The following ARL14EPL variants were observed in gnomAD, a reference collection of about 807,000 sequenced individuals.
ARL14EPL encodes ARL14 effector protein-like.
A neutral mutation model predicts 15.9 loss-of-function variants in ARL14EPL; 17 were observed. The observed-to-expected ratio is 1.07, with a 90% CI of 0.73 to 1.60. The LOEUF (loss-of-function observed/expected upper bound fraction) is 1.60. Among genes scored for constraint, ARL14EPL ranks in the 40% most tolerant of loss-of-function variants. The pLI is 0.00. For missense variants in ARL14EPL, 214 were observed against 185.9 expected (o/e 1.15, Z -0.88); for synonymous variants, 78 against 63.8 (o/e 1.22, Z -1.06).
At chr5:116,036,849 C>T (rs942646399) in intron 1 of ARL14EPL, among the ~76,000 whole-genome samples, 19 of 152,012 alleles carry the variant, frequency 1.2e-4, no homozygotes, top group African/African-American at 4.4e-4. Context: ...TTTCAGATGT[C>T]AAATTTGTGA....
intron 1 of ARL14EPL, among the ~76,000 whole-genome samples, chr5:116,046,192 C>G (rs1459630206): frequency 6.6e-6 from 1 of 152,174 alleles, no homozygotes; most frequent in African/African-American, 2.4e-5. Flanking sequence ...GTATCTTTCA[C>G]TTCTAAATAT....
chr5:116,041,898 G>A (rs1314353371), intron 1 of ARL14EPL, among the ~76,000 whole-genome samples: 6 of 151,972 alleles, frequency 3.9e-5, no homozygotes, highest in Non-Finnish European at 8.8e-5. Context: ...ACTCAATCAC[G>A]GCTCACTGCA....
chr5:116,034,750 G>A (rs929511093), intron 1 of ARL14EPL, among the ~76,000 whole-genome samples: 1 of 152,126 alleles, frequency 6.6e-6, no homozygotes. Flanking sequence ...ATGAGGCAGT[G>A]TGTCCAGTAG....
intron 3 of ARL14EPL, 84 bp downstream of exon 3, chr5:116,054,237 T>A (rs1749462240): frequency 7.7e-7 from 1 of 1,302,734 alleles, no homozygotes; most frequent in East Asian, 2.6e-5. Flanking sequence ...AGATTCCCTC[T>A]TTTTATTATT....
In ARL14EPL at chr5:116,051,510, C is replaced by G; in HGVS notation, c.45C>G (p.His15Gln). 6.5e-7 allele frequency: 1 copy of G among 1,535,720 alleles called. No homozygotes were observed. Among genetic ancestry groups the G allele is most frequent in the Middle Eastern group, 1.7e-4 (1 of 5,990 alleles). ...SEKNNSIQER[H>Q]TDHSFPEKNC... The stretch of plus-strand genomic sequence containing the variant: ...AAAACAATTCCATTCAAGAGAGACA[C>G]ACAGATCATAGTTTTCCTGAGAAGA... Residue 15 changes from histidine to glutamine, a missense_variant, in exon 2 of 4, where the codon CAC becomes CAG. By Grantham distance (24) the His-to-Gln change is conservative (BLOSUM62 0). Coordinates refer to ENST00000686077, the MANE Select transcript of ARL14EPL (RefSeq NM_001195581.2).
chr5:116,053,991 T>G (rs1255226422), intron 2 of ARL14EPL, 23 bp from the exon 3 acceptor site: 1 of 1,519,798 alleles, frequency 6.6e-7, no homozygotes, highest in East Asian at 2.5e-5. Context: ...TTCTTACTAT[T>G]AATACATTTA....
intron 2 of ARL14EPL, 134 bp from the exon 3 acceptor site, chr5:116,053,880 C>A (rs893121780): frequency 6.1e-6 from 4 of 660,506 alleles, no homozygotes; most frequent in African/African-American, 5.5e-5. Flanking sequence ...TAGATTAAAT[C>A]GTTTATGTCT....
chr5:116,042,942 C>G (rs573671747), intron 1 of ARL14EPL, among the ~76,000 whole-genome samples: 2 of 152,058 alleles, frequency 1.3e-5, no homozygotes, highest in African/African-American at 2.4e-5. Context: ...CTATAGAGAT[C>G]TCCCTTACTG....
At chr5:116,046,514 T>C (rs939897576) in intron 1 of ARL14EPL, among the ~76,000 whole-genome samples, 2 of 152,308 alleles carry the variant, frequency 1.3e-5, no homozygotes, top group East Asian at 3.9e-4. Context: ...GATAGAGGTA[T>C]GGACCTGGTG....
At position 116,058,938 on chromosome 5, in the gene ARL14EPL, T is replaced by C. The variant is rs1749586262; in HGVS notation, c.450T>C (p.Val150=). The C allele has an allele frequency of 2.6e-6, 4 of 1,536,006 alleles. No individual in the cohort carries two copies. The East Asian group carries it at 9.8e-5, about 38-fold the overall frequency. The change falls in exon 4 of 4, where the codon GTT becomes GTC. Residue 150 remains valine (V), a synonymous_variant. Transcript: ENST00000686077. ...GEVISTLPFN[V]PD Reference sequence around the variant, plus strand: ...TCATCAGCACGCTGCCGTTTAATGTTCCTGACTAGGTGCTCTTGTATATGG... The same window carrying C: ...TCATCAGCACGCTGCCGTTTAATGTCCCTGACTAGGTGCTCTTGTATATGG...
At chr5:116,032,854 G>T (rs1748983496) in intron 1 of ARL14EPL, among the ~76,000 whole-genome samples, 1 of 152,130 alleles carries the variant, frequency 6.6e-6, no homozygotes, top group Non-Finnish European at 1.5e-5. Flanking sequence ...CTGGAGTGCA[G>T]TGCTGCCATC....
At chr5:116,041,207 A>C (rs190793188) in intron 1 of ARL14EPL, among the ~76,000 whole-genome samples, 62 of 152,204 alleles carry the variant, frequency 4.1e-4, no homozygotes, top group African/African-American at 1.5e-3. Context: ...TTTTAGGGTT[A>C]GTTCTTTGTC....
chr5:116,049,255 A>C (rs186775215), intron 1 of ARL14EPL, among the ~76,000 whole-genome samples: 1 of 152,352 alleles, frequency 6.6e-6, no homozygotes, highest in East Asian at 1.9e-4. Flanking sequence ...CAGAGAGCTT[A>C]TTAATTATGC....
At position 116,043,192 on chromosome 5, in the gene ARL14EPL, A is replaced by G. The variant is rs114469294; in HGVS notation, c.-9-8265A>G. Among the ~76,000 whole-genome samples the G allele has an allele frequency of 2.2e-3, 331 of 148,898 alleles. 2 individuals are homozygous for G. The highest frequency in any genetic ancestry group is 7.9e-3 in the African/African-American group (320 of 40,762). ...ATAAATTTAGTTTGGTGCAAAAGTAATTGCGATTTTGCCATTGAAAGTAAT... is the reference window on the plus strand; with the variant it reads ...ATAAATTTAGTTTGGTGCAAAAGTAGTTGCGATTTTGCCATTGAAAGTAAT... On this transcript the variant is annotated intron_variant, in intron 1 of 3. Transcript: ENST00000686077.
intron 3 of ARL14EPL, among the ~76,000 whole-genome samples, chr5:116,058,129 C>T (rs1381153740): frequency 6.6e-6 from 1 of 152,178 alleles, no homozygotes; most frequent in African/African-American, 2.4e-5. Context: ...TGGTCACCTC[C>T]TTTCTCCCTC....
chr5:116,047,794 G>A (rs1371112904), intron 1 of ARL14EPL, among the ~76,000 whole-genome samples: 1 of 150,924 alleles, frequency 6.6e-6, no homozygotes, highest in Non-Finnish European at 1.5e-5. Context: ...GGAAAAGTTA[G>A]AGTAATATTT....
chr5:116,041,897 C>T (rs968655382), intron 1 of ARL14EPL, among the ~76,000 whole-genome samples: 1 of 152,188 alleles, frequency 6.6e-6, no homozygotes, highest in East Asian at 1.9e-4. Context: ...GACTCAATCA[C>T]GGCTCACTGC....
intron 1 of ARL14EPL, among the ~76,000 whole-genome samples, chr5:116,041,005 GT>G (rs1433572259): frequency 3.6e-5 from 3 of 84,418 alleles, no homozygotes; most frequent in Admixed American, 3.5e-4. Context: ...TTTTTATGCT[GT>G]GCATCAAAAA....
intron 3 of ARL14EPL, among the ~76,000 whole-genome samples, 184 bp from the exon 4 acceptor site, chr5:116,058,541 A>G (rs1176329855): frequency 1.3e-5 from 2 of 152,318 alleles, no homozygotes; most frequent in East Asian, 1.9e-4. Context: ...ACTGCCGTAC[A>G]ATATTCTGGA....
Sources: allele counts gnomAD v4.1 joint callset (sites outside exome capture counted in the v4.1 genomes callset), GRCh38; gene constraint gnomAD v4.1.1; transcripts MANE v1.5; gene names NCBI Gene and HGNC (gene_info 2026-07-23, HGNC 2026-07-21).